RANBP17: variants seen among roughly 807,000 people sequenced by gnomAD.
RANBP17 encodes the protein RAN binding protein 17, also known as ran-binding protein 17.
Under a neutral mutation model 141.2 loss-of-function variants are expected in RANBP17, and 158 were observed. That is an observed-to-expected ratio of 1.12 (90% confidence interval 0.98 to 1.28). The LOEUF is 1.28. RANBP17 is among the 50% of genes most tolerant of loss of function. The probability of loss-of-function intolerance (pLI) is 0.00; values close to 1 mark genes in which losing one functional copy is unlikely to be tolerated. For synonymous variants in RANBP17, 430 were observed against 450.0 expected (o/e 0.96, Z 0.56); for missense variants, 1,438 against 1,290.7 (o/e 1.11, Z -1.75).
chr5:170,922,364 A>G (rs1485833659), intron 11 of RANBP17, among the ~76,000 whole-genome samples: 1 of 152,118 alleles, frequency 6.6e-6, no homozygotes, highest in Admixed American at 6.5e-5. Flanking sequence ...CTTTCTTCAG[A>G]GCTGTCAGAC....
At chr5:170,891,038 A>G (rs765366494) in intron 3 of RANBP17, among the ~76,000 whole-genome samples, 3 of 152,320 alleles carry the variant, frequency 2.0e-5, no homozygotes, top group East Asian at 1.9e-4. Flanking sequence ...TGTATTTTTA[A>G]TGCTACCTCA....
chr5:171,041,611 A>C (rs781161848), intron 14 of RANBP17, among the ~76,000 whole-genome samples: 2 of 152,132 alleles, frequency 1.3e-5, no homozygotes, highest in Non-Finnish European at 2.9e-5. Context: ...GGTATAGCCT[A>C]TTGCTCCTAG....
At chr5:171,089,361 A>G (rs1786010645) in intron 14 of RANBP17, among the ~76,000 whole-genome samples, 1 of 148,268 alleles carries the variant, frequency 6.7e-6, no homozygotes, top group Non-Finnish European at 1.5e-5. Flanking sequence ...GCTCTCTTCA[A>G]AGCTGTCAGA....
intron 14 of RANBP17, among the ~76,000 whole-genome samples, chr5:171,091,748 A>C (rs757921067): frequency 2.0e-5 from 3 of 152,072 alleles, no homozygotes; most frequent in Non-Finnish European, 4.4e-5. Flanking sequence ...TTATAAGGGG[A>C]GTTTCCTTAC....
intron 14 of RANBP17, among the ~76,000 whole-genome samples, chr5:171,036,815 A>G (rs1308217259): frequency 1.3e-5 from 2 of 152,178 alleles, no homozygotes; most frequent in Admixed American, 1.3e-4. Flanking sequence ...TATATGTACT[A>G]TATTTTCTTT....
chr5:171,110,265 A>G (rs1424623074), intron 14 of RANBP17, among the ~76,000 whole-genome samples: 1 of 151,994 alleles, frequency 6.6e-6, no homozygotes, highest in Non-Finnish European at 1.5e-5. Flanking sequence ...ACAAGAACCT[A>G]TCTTATAGGA....
intron 25 of RANBP17, among the ~76,000 whole-genome samples, chr5:171,291,107 T>C (rs1310161131): frequency 6.6e-6 from 1 of 152,138 alleles, no homozygotes; most frequent in South Asian, 2.1e-4. Context: ...TTTCTCTTCA[T>C]TGAGAGAAAT....
At chr5:171,092,649 C>T (rs565972819) in intron 14 of RANBP17, among the ~76,000 whole-genome samples, 2 of 152,278 alleles carry the variant, frequency 1.3e-5, no homozygotes, top group Admixed American at 6.5e-5. Flanking sequence ...ACCAGGAGAG[C>T]TTAATGGTAT....
intron 14 of RANBP17, among the ~76,000 whole-genome samples, chr5:171,052,883 A>G (rs914481538): frequency 2.7e-5 from 4 of 150,678 alleles, no homozygotes; most frequent in Admixed American, 1.3e-4. Context: ...ATGGAGTTTC[A>G]CTGTTGTTGC....
chr5:170,881,769 C>A, intron 2 of RANBP17, 37 bp from the exon 3 acceptor site: 3 of 1,343,642 alleles, frequency 2.2e-6, no homozygotes, highest in Non-Finnish European at 3.1e-6. Flanking sequence ...ATTTTAATTT[C>A]ATTTATGATA....
chr5:170,965,597 AG>A (rs1396175071), intron 13 of RANBP17, among the ~76,000 whole-genome samples: 1 of 152,190 alleles, frequency 6.6e-6, no homozygotes, highest in African/African-American at 2.4e-5. Context: ...GAAGGGATCC[AG>A]TTTCAGCTTT....
chr5:171,072,753 G>A (rs190748088), intron 14 of RANBP17, among the ~76,000 whole-genome samples: 84 of 152,240 alleles, frequency 5.5e-4, no homozygotes, highest in Non-Finnish European at 1.2e-3. Context: ...TTACCTAAAT[G>A]TATTGAAAAC....
At chr5:170,914,090 T>A (rs1771751567) in intron 7 of RANBP17, 77 bp from the exon 8 acceptor site, 2 of 960,614 alleles carry the variant, frequency 2.1e-6, no homozygotes, top group Non-Finnish European at 3.3e-6. Context: ...GATTTCTCAG[T>A]TTGTGTGATA....
At chr5:171,017,311 T>A (rs915171102) in intron 14 of RANBP17, among the ~76,000 whole-genome samples, 2 of 152,174 alleles carry the variant, frequency 1.3e-5, no homozygotes, top group African/African-American at 4.8e-5. Context: ...TGGTTCTAGA[T>A]CCTTGAGAAA....
chr5:170,868,811 A>C (rs1767476805), intron 1 of RANBP17, among the ~76,000 whole-genome samples: 1 of 152,220 alleles, frequency 6.6e-6, no homozygotes, highest in African/African-American at 2.4e-5. Flanking sequence ...TTATCAGTTT[A>C]CTATAAAAAA....
chr5:171,057,715 G>C (rs932486316), intron 14 of RANBP17, among the ~76,000 whole-genome samples: 3 of 152,114 alleles, frequency 2.0e-5, no homozygotes, highest in Non-Finnish European at 2.9e-5. Flanking sequence ...GAAACTTACA[G>C]TCATAGCAGA....
At chr5:170,979,483 A>C (rs1280092542) in intron 14 of RANBP17, among the ~76,000 whole-genome samples, 1 of 152,158 alleles carries the variant, frequency 6.6e-6, no homozygotes. Context: ...CTGTGTCCCC[A>C]CCCAAATCTC....
chr5:171,063,728 C>T (rs992577275), intron 14 of RANBP17, among the ~76,000 whole-genome samples: 31 of 152,210 alleles, frequency 2.0e-4, no homozygotes, highest in Non-Finnish European at 4.0e-4. Flanking sequence ...GCAGAGGTTA[C>T]TGCTGTCTTT....
intron 22 of RANBP17, among the ~76,000 whole-genome samples, chr5:171,231,691 C>T (rs1205289901): frequency 6.6e-6 from 1 of 152,148 alleles, no homozygotes; most frequent in Non-Finnish European, 1.5e-5. Flanking sequence ...ACTCTGTAAG[C>T]TTTAAATACG....
Sources: gnomAD v4.1 joint callset for allele counts (sites outside exome capture counted in the v4.1 genomes callset) on GRCh38, gnomAD v4.1.1 for gene constraint, MANE v1.5 for transcripts, NCBI Gene and HGNC (gene_info 2026-07-23, HGNC 2026-07-21) for gene names.